IER3IP1: variants seen among roughly 807,000 people sequenced by gnomAD.
IER3IP1 encodes immediate early response 3-interacting protein 1.
In IER3IP1, 16 loss-of-function variants were observed where a neutral mutation model predicts 12.2. The ratio of observed to expected loss-of-function variants is 1.31; its 90% confidence interval spans 0.89 to 1.99. IER3IP1 has a LOEUF of 1.99. IER3IP1 is among the 30% of genes most tolerant of loss of function. The pLI is 0.00. For missense variants in IER3IP1, 95 were observed against 95.8 expected (o/e 0.99, Z 0.03); for synonymous variants, 42 against 40.0 (o/e 1.05, Z -0.19).
rs554020327 is a variant in IER3IP1 at position 47,154,469 on chromosome 18, T to C, written c.*1708A>G. The C allele has an allele frequency of 2.9e-4, 44 of 152,364 alleles. No homozygotes were observed. Among genetic ancestry groups the C allele is most frequent in the African/African-American group, 1.1e-3 (44 of 41,588 alleles). 9.4% of individuals were successfully genotyped at this position (152,364 alleles called of 1,614,324 possible). On this transcript the variant is annotated 3_prime_UTR_variant, in exon 3 of 3. Coordinates refer to ENST00000256433, the MANE Select transcript of IER3IP1 (RefSeq NM_016097.5). ...CCAACACTGAATTAAGATGAAGGTA[T>C]GCTGTAATGTCTTATATGAAAAATA...
intron 1 of IER3IP1, among the ~76,000 whole-genome samples, chr18:47,171,517 T>C (rs1336488845): frequency 6.6e-6 from 1 of 152,228 alleles, no homozygotes; most frequent in Non-Finnish European, 1.5e-5. Flanking sequence ...GTTTTTAAAT[T>C]ATTCATTATC....
Position 47,157,039 on chromosome 18 carries a change from G to C in IER3IP1, c.193+397C>G, listed in dbSNP as rs2063962848. 1.5e-5 allele frequency: 3 copies of C among 197,984 alleles called. No homozygotes were observed. The Admixed American group carries it at 1.7e-4, about 11-fold the overall frequency. The allele number at this position is 197,984 out of a possible 1,614,324, so 12.3% of individuals were successfully genotyped here. A position where few individuals can be genotyped will look rare whatever the true frequency, so the allele number is the denominator to read the frequency against. On this transcript the variant is annotated intron_variant, in intron 2 of 2. Transcript: ENST00000256433. The stretch of plus-strand genomic sequence containing the variant: ...ACTCCTGACCTCAGGTGATCTGCCT[G>C]CCTTGGCCTCTCAAAGTGTTGGGAT...
At chr18:47,157,313 G>A (rs1599992382) in intron 2 of IER3IP1, 123 bp downstream of exon 2, 21 of 700,060 alleles carry the variant, frequency 3.0e-5, no homozygotes, top group Middle Eastern at 5.1e-4. Context: ...AAGCAGCAAA[G>A]CCATGTTAAA....
intron 1 of IER3IP1, among the ~76,000 whole-genome samples, chr18:47,164,704 C>A (rs1334957324): frequency 6.6e-6 from 1 of 151,714 alleles, no homozygotes; most frequent in Non-Finnish European, 1.5e-5. Flanking sequence ...ACTGCTTGAG[C>A]CTGGAAGGCC....
chr18:47,169,606 A>G (rs991011294), intron 1 of IER3IP1, among the ~76,000 whole-genome samples: 11 of 150,020 alleles, frequency 7.3e-5, no homozygotes, highest in African/African-American at 2.2e-4. Flanking sequence ...TTTATTTATT[A>G]TATTTATTAT....
At chr18:47,161,712 G>C (rs1343631164) in intron 1 of IER3IP1, among the ~76,000 whole-genome samples, 1 of 152,100 alleles carries the variant, frequency 6.6e-6, no homozygotes, top group Non-Finnish European at 1.5e-5. Flanking sequence ...GGGTTGGGGG[G>C]TGGTGGTGGT....
At chr18:47,165,747 T>C (rs1381266759) in intron 1 of IER3IP1, among the ~76,000 whole-genome samples, 1 of 152,168 alleles carries the variant, frequency 6.6e-6, no homozygotes, top group Non-Finnish European at 1.5e-5. Context: ...AAACCCTAAA[T>C]CAAGTAATAG....
intron 1 of IER3IP1, among the ~76,000 whole-genome samples, chr18:47,167,979 C>T (rs922932647): frequency 1.3e-5 from 2 of 151,666 alleles, no homozygotes; most frequent in Admixed American, 1.3e-4. Context: ...CAAAAATGAG[C>T]CAGGCGTGGT....
intron 1 of IER3IP1, among the ~76,000 whole-genome samples, chr18:47,170,140 T>A (rs533140916): frequency 7.0e-4 from 106 of 152,254 alleles, no homozygotes; most frequent in African/African-American, 2.4e-3. Flanking sequence ...TACTTTTTTT[T>A]ATATGGCTAT....
At chr18:47,163,740 A>G (rs748267688) in intron 1 of IER3IP1, among the ~76,000 whole-genome samples, 16 of 152,314 alleles carry the variant, frequency 1.1e-4, no homozygotes, top group Middle Eastern at 6.8e-3. Context: ...TGAAAATCAT[A>G]CACATATTAC....
At chr18:47,163,765 A>G (rs1260763125) in intron 1 of IER3IP1, among the ~76,000 whole-genome samples, 1 of 152,226 alleles carries the variant, frequency 6.6e-6, no homozygotes, top group East Asian at 1.9e-4. Flanking sequence ...ATAAAAGTAA[A>G]AACAAAATTT....
chr18:47,169,266 A>C (rs1379933962), intron 1 of IER3IP1, among the ~76,000 whole-genome samples: 1 of 152,234 alleles, frequency 6.6e-6, no homozygotes, highest in African/African-American at 2.4e-5. Flanking sequence ...GTAGTGTGTA[A>C]TAATACTTCA....
intron 1 of IER3IP1, among the ~76,000 whole-genome samples, chr18:47,165,665 A>G (rs2063993998): frequency 6.6e-6 from 1 of 152,232 alleles, no homozygotes; most frequent in Non-Finnish European, 1.5e-5. Flanking sequence ...AGCTTTTTAA[A>G]ATTCAACAAT....
intron 1 of IER3IP1, among the ~76,000 whole-genome samples, chr18:47,162,863 C>A (rs11872531): frequency 0.079 from 11,980 of 152,004 alleles, 546 homozygotes; most frequent in Non-Finnish European, 0.098. Flanking sequence ...GCTATATCTA[C>A]ATCACAAATC....
chr18:47,173,205 A>G (rs931085207), intron 1 of IER3IP1, among the ~76,000 whole-genome samples: 1 of 152,246 alleles, frequency 6.6e-6, no homozygotes. Flanking sequence ...ACCTAGCACC[A>G]TCACCCCAAA....
rs901857901 is a variant in IER3IP1, at chr18:47,154,630, C to G, written c.*1547G>C. 8 of 152,210 alleles carry G rather than the reference C, an allele frequency of 5.3e-5. No individual in the cohort carries two copies. The highest frequency in any genetic ancestry group is 1.9e-4 in the African/African-American group (8 of 41,450). The allele number at this position is 152,210 out of a possible 1,614,324, so 9.4% of individuals were successfully genotyped here. A position where few individuals can be genotyped will look rare whatever the true frequency, so the allele number is the denominator to read the frequency against. ...GTAGCTCAAACTTGAACTCAGGCAT[C>G]AGTTCTTTGTAAGGCTAAAAGAACA... On this transcript the variant is annotated 3_prime_UTR_variant, in exon 3 of 3. Transcript: ENST00000256433.
At position 47,153,917 on chromosome 18, in the gene IER3IP1, T is replaced by TAACGGGAACTGTA. The variant is rs1456290907; in HGVS notation, c.*2259_*2260insTACAGTTCCCGTT. On this transcript the variant is annotated 3_prime_UTR_variant, in exon 3 of 3. Coordinates refer to ENST00000256433, the MANE Select transcript of IER3IP1 (RefSeq NM_016097.5). ...TGGACCTACTCTCATCTGGTTTAGA[T>TAACGGGAACTGTA]ACGGGAATGTTACAGTTCTGTGTCA... The TAACGGGAACTGTA allele has an allele frequency of 2.0e-5, 3 of 152,234 alleles. No individual in the cohort carries two copies. The highest frequency in any genetic ancestry group is 4.8e-5 in the African/African-American group (2 of 41,466). 9.4% of individuals were successfully genotyped at this position (152,234 alleles called of 1,614,324 possible).
At chr18:47,164,042 A>C (rs1485273233) in intron 1 of IER3IP1, among the ~76,000 whole-genome samples, 1 of 152,106 alleles carries the variant, frequency 6.6e-6, no homozygotes, top group Non-Finnish European at 1.5e-5. Context: ...TTTATTGGAA[A>C]CCATACTTCC....
chr18:47,176,174 C>T lies in IER3IP1; in HGVS notation c.91+13G>A. 6.3e-7 allele frequency: 1 copy of T among 1,580,516 alleles called. No individual in the cohort carries two copies. The highest frequency in any genetic ancestry group is 1.1e-5 in the South Asian group (1 of 86,962). On this transcript the variant is annotated intron_variant, in intron 1 of 2. Transcript: ENST00000256433. ...CGCCGCCGCCCCAGCCCGCGCCCCG[C>T]GGTCCCACTCACTGTTCTTGAGGAA...
Sources: gnomAD v4.1 joint callset for allele counts (sites outside exome capture counted in the v4.1 genomes callset) on GRCh38, gnomAD v4.1.1 for gene constraint, MANE v1.5 for transcripts, NCBI Gene and HGNC (gene_info 2026-07-23, HGNC 2026-07-21) for gene names.